The following PLCL2 variants were observed in gnomAD, a reference collection of about 807,000 sequenced individuals.
The protein encoded by PLCL2 is phospholipase C like 2, also known as inactive phospholipase C-like protein 2.
A neutral mutation model predicts 79.6 loss-of-function variants in PLCL2; 4 were observed. That is an observed-to-expected ratio of 0.05 (90% CI 0.02 to 0.11). The LOEUF (loss-of-function observed/expected upper bound fraction) is 0.11, where lower values mean the gene tolerates loss of function less well. Ranked by LOEUF, PLCL2 falls within the 10% of genes least tolerant of loss-of-function variation. PLCL2 has a pLI of 1.00. For missense variants in PLCL2, 895 were observed against 1,291.0 expected, an observed-to-expected ratio of 0.69 and a Z score of 4.70; for synonymous variants, 484 against 457.7, an observed-to-expected ratio of 1.06 and a Z score of -0.73.
chr3:16,977,749 G>A (rs1416919544), intron 1 of PLCL2, among the ~76,000 whole-genome samples: 1 of 152,068 alleles, frequency 6.6e-6, no homozygotes, highest in African/African-American at 2.4e-5. Flanking sequence ...GTTTGCCCAG[G>A]CCACCATTAC....
chr3:17,014,703 A>T lies in PLCL2; in HGVS notation c.2815-5A>T, dbSNP rs1404199523. The stretch of plus-strand genomic sequence containing the variant: ...TACAAATGCTCCTTTCATTCCATTT[A>T]ACAGAATGCGGTGGTGTCATTCAAG... On this transcript the variant is annotated splice_region_variant and splice_polypyrimidine_tract_variant and intron_variant, in intron 2 of 5. Transcript: ENST00000615277. The T allele has an allele frequency of 1.2e-6, 2 of 1,608,066 alleles. No homozygotes were observed. Among genetic ancestry groups the T allele is most frequent in the Admixed American group, 1.7e-5 (1 of 60,022 alleles).
intron 4 of PLCL2, among the ~76,000 whole-genome samples, chr3:17,052,179 T>C (rs925307208): frequency 1.0e-4 from 15 of 144,150 alleles, no homozygotes; most frequent in African/African-American, 3.9e-4. Context: ...GTCCAGATGT[T>C]CACACGATTT....
intron 4 of PLCL2, among the ~76,000 whole-genome samples, chr3:17,059,205 C>T (rs2064920452): frequency 6.6e-6 from 1 of 151,676 alleles, no homozygotes. Context: ...AACATTATGC[C>T]ACTGTATAAA....
chr3:16,998,298 T>G (rs2064174316), intron 1 of PLCL2, among the ~76,000 whole-genome samples: 1 of 152,120 alleles, frequency 6.6e-6, no homozygotes, highest in South Asian at 2.1e-4. Context: ...TGATCATATT[T>G]TTCGCATTAT....
At chr3:16,932,907 T>C (rs1450818767) in intron 1 of PLCL2, among the ~76,000 whole-genome samples, 2 of 152,240 alleles carry the variant, frequency 1.3e-5, no homozygotes, top group East Asian at 3.8e-4. Flanking sequence ...TCTTTTTTCC[T>C]TCTTCTTCTT....
intron 1 of PLCL2, among the ~76,000 whole-genome samples, chr3:16,924,508 A>T (rs948698238): frequency 1.3e-5 from 2 of 152,228 alleles, no homozygotes; most frequent in African/African-American, 4.8e-5. Context: ...CCAGCAGTTT[A>T]CAACTCTGTC....
intron 1 of PLCL2, among the ~76,000 whole-genome samples, chr3:16,931,677 A>C (rs1697396255): frequency 6.6e-6 from 1 of 152,192 alleles, no homozygotes; most frequent in African/African-American, 2.4e-5. Context: ...TATTACGTGA[A>C]TGACCCCAGG....
intron 1 of PLCL2, among the ~76,000 whole-genome samples, chr3:16,965,391 G>A (rs939773178): frequency 2.6e-5 from 4 of 151,972 alleles, no homozygotes; most frequent in Non-Finnish European, 2.9e-5. Context: ...TGTCTGTTTT[G>A]GTACCAGTAC....
Position 17,079,087 on chromosome 3 carries a change from T to C in PLCL2, c.3205-10646T>C, listed in dbSNP as rs991571062. ...ATGTTTGACTGTGTAAATGGTGTGCTTGAAAGATTAATAGCGCGAAGGAGG... is the reference window on the plus strand; with the variant it reads ...ATGTTTGACTGTGTAAATGGTGTGCCTGAAAGATTAATAGCGCGAAGGAGG... On this transcript the variant is annotated intron_variant, in intron 5 of 5. Transcript: ENST00000615277. 2.6e-5 allele frequency among the ~76,000 whole-genome samples: 4 copies of C among 152,320 alleles called. No individual in the cohort carries two copies. The South Asian group carries it at 8.3e-4, about 32-fold the overall frequency.
At chr3:16,926,637 C>CT (rs67641213) in intron 1 of PLCL2, among the ~76,000 whole-genome samples, 205 of 144,970 alleles carry the variant, frequency 1.4e-3, no homozygotes, top group Middle Eastern at 0.011. Context: ...TAATCAAAAC[C>CT]TTTTTTTTTT....
intron 1 of PLCL2, among the ~76,000 whole-genome samples, chr3:16,971,454 T>C (rs1321676154): frequency 1.3e-5 from 2 of 152,168 alleles, no homozygotes; most frequent in Non-Finnish European, 2.9e-5. Flanking sequence ...TACTGTAGCC[T>C]TGTAGTATAG....
intron 4 of PLCL2, among the ~76,000 whole-genome samples, chr3:17,047,517 C>T (rs17272831): frequency 0.15 from 23,298 of 152,206 alleles, 2,271 homozygotes; most frequent in Non-Finnish European, 0.2. Context: ...TATTTTCATG[C>T]ATGGCCAGGG....
At chr3:17,089,621 T>C (rs1474942049) in intron 5 of PLCL2, 112 bp from the exon 6 acceptor site, 1 of 691,280 alleles carries the variant, frequency 1.4e-6, no homozygotes, top group Non-Finnish European at 2.5e-6. Context: ...GAAATAATTA[T>C]GCCTTCTTGT....
intron 3 of PLCL2, among the ~76,000 whole-genome samples, chr3:17,042,075 A>G (rs1248120993): frequency 6.6e-6 from 1 of 152,242 alleles, no homozygotes; most frequent in Non-Finnish European, 1.5e-5. Context: ...TTTAAATACA[A>G]ATATGTAAAA....
At chr3:17,064,217 T>G (rs1166036573) in intron 4 of PLCL2, among the ~76,000 whole-genome samples, 1 of 152,220 alleles carries the variant, frequency 6.6e-6, no homozygotes, top group Non-Finnish European at 1.5e-5. Context: ...AGTAATTTAG[T>G]TCCAAGAGAA....
intron 3 of PLCL2, among the ~76,000 whole-genome samples, chr3:17,037,258 G>T (rs973415308): frequency 6.6e-6 from 1 of 152,140 alleles, no homozygotes; most frequent in African/African-American, 2.4e-5. Context: ...TGCCACCTGG[G>T]CGTTTACTGG....
At chr3:16,944,350 T>C (rs2063581732) in intron 1 of PLCL2, among the ~76,000 whole-genome samples, 2 of 152,190 alleles carry the variant, frequency 1.3e-5, no homozygotes, top group Non-Finnish European at 2.9e-5. Flanking sequence ...ACTCTCCATC[T>C]TTCCAGGTGG....
rs755252145 is a variant in PLCL2 at position 17,010,115 on chromosome 3, C to G, written c.769C>G (p.Leu257Val). ...CCTAATTTCTTATGGAAAACATACA[C>G]TTGATATGTTAGAAAGTAGCCAAGA... ...RYLISYGKHTLDMLESSQDNM... is the reference protein window; with the variant it reads ...RYLISYGKHTVDMLESSQDNM... Residue 257 changes from leucine (L) to valine (V), a missense_variant, in exon 2 of 6, where the codon CTT (leucine) becomes GTT (valine). Leu to Val is a conservative substitution (Grantham distance 32). This residue lies in a region of PLCL2 where 129 missense variants were observed against 208.8 expected (regional missense o/e 0.62). Transcript: ENST00000615277. This position sits in a 1 kb window ranked among gnomAD's most constrained non-coding sequence, Gnocchi z 5.8. 6.2e-7 allele frequency: 1 copy of G among 1,614,006 alleles called. No homozygotes were observed. Among genetic ancestry groups the G allele is most frequent in the East Asian group, 2.2e-5 (1 of 44,874 alleles).
chr3:16,990,240 C>T (rs2064091266), intron 1 of PLCL2, among the ~76,000 whole-genome samples: 1 of 152,130 alleles, frequency 6.6e-6, no homozygotes, highest in Admixed American at 6.5e-5. Context: ...TAACAACAAC[C>T]CTAGGATACA....
Sources: gnomAD v4.1 joint callset for allele counts (sites outside exome capture counted in the v4.1 genomes callset) on GRCh38, gnomAD v4.1.1 for gene constraint, gnomAD v4.1.1 regional missense constraint, Gnocchi (gnomAD v3.1) non-coding constraint, MANE v1.5 for transcripts, NCBI Gene and HGNC (gene_info 2026-07-23, HGNC 2026-07-21) for gene names.